Variants in MTREX observed in about 807,000 individuals in gnomAD.
MTREX encodes exosome RNA helicase MTR4.
Under a neutral mutation model 135.4 loss-of-function variants are expected in MTREX, and 76 were observed. That is an observed-to-expected ratio of 0.56 (90% confidence interval 0.47 to 0.68). The LOEUF is 0.68. Among genes scored for constraint, MTREX ranks in the 30% least tolerant of loss-of-function variants. The probability of loss-of-function intolerance (pLI) is 0.00; values close to 1 mark genes in which losing one functional copy is unlikely to be tolerated. For synonymous variants in MTREX, 404 were observed against 401.6 expected (o/e 1.01, Z -0.07); for missense variants, 920 against 1,262.1 (o/e 0.73, Z 4.11).
chr5:55,330,066 G>T (rs943297340), intron 5 of MTREX, among the ~76,000 whole-genome samples: 3 of 151,796 alleles, frequency 2.0e-5, no homozygotes, highest in African/African-American at 7.3e-5. Context: ...ATCTCATTGA[G>T]TGCTACTTTT....
At chr5:55,323,708 C>G (rs2112033177) in intron 2 of MTREX, among the ~76,000 whole-genome samples, 1 of 152,346 alleles carries the variant, frequency 6.6e-6, no homozygotes, top group South Asian at 2.1e-4. Flanking sequence ...GTGTGAGCCA[C>G]TGTGCCTGGC....
chr5:55,416,975 A>G lies in MTREX; in HGVS notation c.2971+843A>G, dbSNP rs1210523413. The stretch of plus-strand genomic sequence containing the variant: ...AAAGAAGTAATAGATTACTGATTTT[A>G]TGAATCAGTTATTTTTATGATGCAT... On this transcript the variant is annotated intron_variant, in intron 25 of 26. Coordinates refer to ENST00000230640, the MANE Select transcript of MTREX (RefSeq NM_015360.5). Among the ~76,000 whole-genome samples the G allele has an allele frequency of 2.0e-5, 3 of 152,226 alleles. No individual in the cohort carries two copies. The East Asian group carries it at 5.8e-4, about 29-fold the overall frequency.
intron 5 of MTREX, among the ~76,000 whole-genome samples, chr5:55,329,900 C>G (rs1013956220): frequency 4.6e-5 from 7 of 151,764 alleles, no homozygotes; most frequent in Non-Finnish European, 8.8e-5. Flanking sequence ...CCTCAGGGCT[C>G]TTGTTCCAGG....
At position 55,322,389 on chromosome 5, in the gene MTREX, T is replaced by G. The variant is rs1749303117; in HGVS notation, c.197T>G (p.Val66Gly). The G allele has an allele frequency of 1.2e-6, 2 of 1,608,636 alleles. No individual in the cohort carries two copies. The highest frequency in any genetic ancestry group is 1.7e-6 in the Non-Finnish European group (2 of 1,176,336). Residue 66 changes from valine (V) to glycine (G), a missense_variant, in exon 2 of 27, where the codon GTA becomes GGA. Val to Gly is a moderately radical substitution (Grantham distance 109). This residue lies in a region of MTREX where 136 missense variants were observed against 126.7 expected (regional missense o/e 1.07). Coordinates refer to ENST00000230640, the MANE Select transcript of MTREX (RefSeq NM_015360.5). ...AATAATGGAAAAAATAAGAGAGATG[T>G]AGATTTCGAAGGTACAGATGAACCC... ...STNNGKNKRD[V>G]DFEGTDEPIF...
intron 1 of MTREX, among the ~76,000 whole-genome samples, chr5:55,309,409 A>C (rs1191582555): frequency 2.0e-5 from 3 of 152,208 alleles, no homozygotes; most frequent in African/African-American, 7.2e-5. Flanking sequence ...GACAGTGAGA[A>C]AGTAAATTAG....
At chr5:55,386,222 G>A (rs747763507) in intron 18 of MTREX, among the ~76,000 whole-genome samples, 36 of 152,128 alleles carry the variant, frequency 2.4e-4, no homozygotes, top group South Asian at 8.3e-4. Flanking sequence ...CTACAAGCTC[G>A]GGATTACCAA....
intron 21 of MTREX, among the ~76,000 whole-genome samples, chr5:55,404,798 T>TTTTTTTTTTTC (rs1491226560): frequency 1.7e-4 from 1 of 5,802 alleles, no homozygotes; most frequent in Non-Finnish European, 6.0e-4. Context: ...CTCTGTTCTC[T>TTTTTTTTTTTC]TTTTTTTTTT....
At chr5:55,373,547 A>AT (rs1035574298) in intron 16 of MTREX, among the ~76,000 whole-genome samples, 2 of 147,616 alleles carry the variant, frequency 1.4e-5, no homozygotes, top group Non-Finnish European at 1.5e-5. Flanking sequence ...TTTGTCTTAT[A>AT]TTTTTTTTAT....
intron 1 of MTREX, among the ~76,000 whole-genome samples, chr5:55,317,934 A>G (rs1168811268): frequency 2.0e-5 from 3 of 152,216 alleles, no homozygotes; most frequent in Admixed American, 1.3e-4. Flanking sequence ...CAGGAGAAAA[A>G]CAACCTTATT....
intron 1 of MTREX, among the ~76,000 whole-genome samples, chr5:55,318,644 C>T (rs1395036440): frequency 6.6e-6 from 1 of 151,998 alleles, no homozygotes; most frequent in African/African-American, 2.4e-5. Context: ...GGGAGAGGAG[C>T]AGAAAAGATA....
chr5:55,412,774 GTGATGAGTAGCTGT>G (rs1226788131), intron 23 of MTREX, among the ~76,000 whole-genome samples: 8 of 152,200 alleles, frequency 5.3e-5, no homozygotes, highest in Non-Finnish European at 1.5e-5. Flanking sequence ...AGAGAGGAAT[GTGATGAGTAGCTGT>G]TGACCATGAA....
At chr5:55,421,192 T>C (rs554232483) in intron 25 of MTREX, among the ~76,000 whole-genome samples, 4 of 152,220 alleles carry the variant, frequency 2.6e-5, no homozygotes, top group Admixed American at 6.5e-5. Flanking sequence ...GGATGACTTA[T>C]AAAGGTGGGT....
chr5:55,421,649 A>G (rs1193793072), intron 25 of MTREX, among the ~76,000 whole-genome samples: 4 of 152,178 alleles, frequency 2.6e-5, no homozygotes, highest in African/African-American at 9.7e-5. Flanking sequence ...ATAATATCAC[A>G]TTGTGTTTCT....
intron 2 of MTREX, among the ~76,000 whole-genome samples, chr5:55,323,580 G>C (rs1038417167): frequency 6.6e-6 from 1 of 151,984 alleles, no homozygotes; most frequent in African/African-American, 2.4e-5. Context: ...GTGCCACCAC[G>C]TATGCTAATT....
rs1750699321 is a variant in MTREX, at chr5:55,400,006, TAAC to T, written c.2293-224_2293-222del. 1.3e-5 allele frequency among the ~76,000 whole-genome samples: 2 copies of T among 152,248 alleles called. 1 individual carries two copies. Among genetic ancestry groups the T allele is most frequent in the Admixed American group, 1.3e-4 (2 of 15,284 alleles). Reference sequence around the variant, plus strand: ...ATCAAATTGTGACTTGTAGATTTATTAACAAATCATAATACATCTGTAAATCAT... The same window carrying T: ...ATCAAATTGTGACTTGTAGATTTATTAAATCATAATACATCTGTAAATCAT... On this transcript the variant is annotated intron_variant, in intron 20 of 26. Coordinates refer to ENST00000230640, the MANE Select transcript of MTREX (RefSeq NM_015360.5).
intron 21 of MTREX, 33 bp from the exon 22 acceptor site, chr5:55,405,392 A>G (rs531398421): frequency 1.2e-5 from 18 of 1,555,656 alleles, no homozygotes; most frequent in Non-Finnish European, 1.6e-5. Flanking sequence ...TCACTTTATT[A>G]TTGAACTTTC....
Position 55,338,256 on chromosome 5 carries a change from C to A in MTREX, c.516-1754C>A, listed in dbSNP as rs185814319. 3.3e-5 allele frequency among the ~76,000 whole-genome samples: 5 copies of A among 152,194 alleles called. No homozygotes were observed. In the East Asian group the frequency reaches 9.6e-4, roughly 29 times the overall value. On this transcript the variant is annotated intron_variant, in intron 5 of 26. Transcript: ENST00000230640. ...TTATTTTGCTTTCATTTTTGAAGGACGGTGTCACTGGATATAGAGTTCCTG... is the reference window on the plus strand; with the variant it reads ...TTATTTTGCTTTCATTTTTGAAGGAAGGTGTCACTGGATATAGAGTTCCTG...
At chr5:55,361,516 T>A (rs566903569) in intron 15 of MTREX, among the ~76,000 whole-genome samples, 1 of 152,182 alleles carries the variant, frequency 6.6e-6, no homozygotes, top group South Asian at 2.1e-4. Context: ...TTTTCCTTCA[T>A]TTTTATGGCT....
chr5:55,308,291 A>G, intron 1 of MTREX, 144 bp downstream of exon 1: 1 of 979,412 alleles, frequency 1.0e-6, no homozygotes, highest in Middle Eastern at 2.7e-4. Context: ...AAAGTTGGAG[A>G]GGGTGGAAGA....
Sources: gnomAD v4.1 joint callset for allele counts (sites outside exome capture counted in the v4.1 genomes callset) on GRCh38, gnomAD v4.1.1 for gene constraint, gnomAD v4.1.1 regional missense constraint, MANE v1.5 for transcripts, NCBI Gene and HGNC (gene_info 2026-07-23, HGNC 2026-07-21) for gene names.